TENM2: variants seen among roughly 807,000 people sequenced by gnomAD.
TENM2 encodes teneurin transmembrane protein 2.
In TENM2, 52 loss-of-function variants were observed where a neutral mutation model predicts 245.2. The observed-to-expected ratio is 0.21, with a 90% CI of 0.17 to 0.27. The LOEUF (loss-of-function observed/expected upper bound fraction) is 0.27, where lower values mean the gene tolerates loss of function less well. TENM2 is among the 10% of genes least tolerant of loss of function. The pLI is 1.00. For missense variants in TENM2, 3,046 were observed against 3,666.8 expected (o/e 0.83, Z 4.37); for synonymous variants, 1,363 against 1,438.9 (o/e 0.95, Z 1.19).
At chr5:167,096,551 T>C in the TENM2 span, among the ~76,000 whole-genome samples, 1 of 152,232 alleles carries the variant, frequency 6.6e-6, no homozygotes, top group African/African-American at 2.4e-5. Context: ...ATCTCTCCTC[T>C]ATTCTGCCTG....
At chr5:167,549,684 C>G (rs960817492) in intron 2 of TENM2, among the ~76,000 whole-genome samples, 4 of 152,040 alleles carry the variant, frequency 2.6e-5, no homozygotes. Flanking sequence ...AAGAACTCTA[C>G]CTGTTACCAC....
At chr5:167,850,893 G>A (rs2151207554) in intron 2 of TENM2, among the ~76,000 whole-genome samples, 1 of 152,186 alleles carries the variant, frequency 6.6e-6, no homozygotes, top group Middle Eastern at 3.4e-3. Flanking sequence ...CATAGATAAG[G>A]TTTGGCATTA....
At chr5:167,136,604 C>A in the TENM2 span, among the ~76,000 whole-genome samples, 1 of 152,094 alleles carries the variant, frequency 6.6e-6, no homozygotes, top group African/African-American at 2.4e-5. Flanking sequence ...CCTATTTCTT[C>A]TTTATTTCTA....
At chr5:167,827,106 A>G (rs985432263) in intron 2 of TENM2, among the ~76,000 whole-genome samples, 1 of 152,210 alleles carries the variant, frequency 6.6e-6, no homozygotes, top group Non-Finnish European at 1.5e-5. Flanking sequence ...AGTTTCATGT[A>G]TGTTTCTCTG....
chr5:167,523,592 T>A (rs1770913558), intron 2 of TENM2, among the ~76,000 whole-genome samples: 1 of 152,140 alleles, frequency 6.6e-6, no homozygotes, highest in South Asian at 2.1e-4. Flanking sequence ...AAAAAGAGTC[T>A]ACTCATGACA....
chr5:167,086,655 A>G, the TENM2 span, among the ~76,000 whole-genome samples: 5 of 152,038 alleles, frequency 3.3e-5, no homozygotes, highest in Non-Finnish European at 5.9e-5. Context: ...CTCTAAGCAG[A>G]TTTAGGCATA....
chr5:168,103,764 G>A (rs905623227), intron 9 of TENM2, among the ~76,000 whole-genome samples: 19 of 152,288 alleles, frequency 1.2e-4, no homozygotes, highest in Middle Eastern at 3.4e-3. Flanking sequence ...CAGAGACGTG[G>A]GAAGCCTCGA....
At chr5:167,208,891 C>T in the TENM2 span, among the ~76,000 whole-genome samples, 1 of 152,090 alleles carries the variant, frequency 6.6e-6, no homozygotes, top group Non-Finnish European at 1.5e-5. Context: ...TTGTTCTATT[C>T]GAGTTGTTGG....
intron 2 of TENM2, among the ~76,000 whole-genome samples, chr5:167,840,319 A>G (rs1769386116): frequency 6.6e-6 from 1 of 152,248 alleles, no homozygotes; most frequent in Non-Finnish European, 1.5e-5. Flanking sequence ...TTTGGGATCC[A>G]ACTCTACAGT....
In TENM2 at chr5:167,329,551, C is replaced by CAAAAAAAA. The variant is rs34165505; in HGVS notation, c.226+44510_226+44517dup. On this transcript the variant is annotated intron_variant, in intron 1 of 28. Coordinates refer to ENST00000518659, the Ensembl canonical transcript of TENM2. The stretch of plus-strand genomic sequence containing the variant: ...TGTGTGACAGGGCCAGACTCAGTCT[C>CAAAAAAAA]AAAAAAAAAAAAAAAAAAAAAAAAA... Among the ~76,000 whole-genome samples the CAAAAAAAA allele has an allele frequency of 1.1e-3, 25 of 21,946 alleles. 2 individuals carry two copies. The highest frequency in any genetic ancestry group is 2.5e-3 in the African/African-American group (14 of 5,572). 14.4% of individuals were successfully genotyped at this position (21,946 alleles called of 152,430 possible).
chr5:168,260,176 G>C (rs759394063), intron 27 of TENM2, 107 bp from the exon 30 acceptor site: 6 of 1,193,130 alleles, frequency 5.0e-6, no homozygotes, highest in African/African-American at 1.5e-5. Context: ...CCTCCCCTTT[G>C]GGCCCTACAC....
intron 12 of TENM2, among the ~76,000 whole-genome samples, chr5:168,140,288 A>G (rs894901562): frequency 3.2e-4 from 49 of 152,236 alleles, no homozygotes; most frequent in African/African-American, 1.1e-3. Context: ...ACAATGAGCA[A>G]CAACAGAAAG....
chr5:167,593,883 C>T (rs1040268792), intron 2 of TENM2, among the ~76,000 whole-genome samples: 5 of 152,280 alleles, frequency 3.3e-5, no homozygotes, highest in Non-Finnish European at 7.3e-5. Context: ...ACTTCTCCCT[C>T]GCCTCAGTGA....
At chr5:167,804,064 G>A (rs1765971995) in intron 2 of TENM2, among the ~76,000 whole-genome samples, 1 of 152,006 alleles carries the variant, frequency 6.6e-6, no homozygotes, top group Non-Finnish European at 1.5e-5. Flanking sequence ...TAGAATTGGG[G>A]ATGTTTAATG....
At chr5:167,616,163 C>G (rs928541989) in intron 2 of TENM2, among the ~76,000 whole-genome samples, 2 of 152,138 alleles carry the variant, frequency 1.3e-5, no homozygotes, top group Non-Finnish European at 2.9e-5. Context: ...GTTCCATAAT[C>G]ACACCCTAGT....
chr5:167,202,539 T>G, the TENM2 span, among the ~76,000 whole-genome samples: 4 of 152,334 alleles, frequency 2.6e-5, no homozygotes, highest in South Asian at 4.1e-4. Context: ...GCCATATCTC[T>G]TCTTCATTTG....
chr5:167,915,254 T>A (rs1055954045), intron 3 of TENM2, among the ~76,000 whole-genome samples: 1 of 152,124 alleles, frequency 6.6e-6, no homozygotes, highest in Non-Finnish European at 1.5e-5. Context: ...AAATGACACA[T>A]GCAGCACAGC....
At chr5:167,496,319 C>T (rs1330351993) in intron 2 of TENM2, among the ~76,000 whole-genome samples, 1 of 152,050 alleles carries the variant, frequency 6.6e-6, no homozygotes, top group Non-Finnish European at 1.5e-5. Context: ...TTACTTCTTT[C>T]AACTCTGATG....
At chr5:167,945,395 A>G (rs1389377055) in intron 3 of TENM2, among the ~76,000 whole-genome samples, 2 of 152,188 alleles carry the variant, frequency 1.3e-5, no homozygotes, top group African/African-American at 4.8e-5. Flanking sequence ...ACCTCCCCAC[A>G]CCTCAGTCTC....
Sources: gnomAD v4.1 joint callset for allele counts (sites outside exome capture counted in the v4.1 genomes callset) on GRCh38, gnomAD v4.1.1 for gene constraint, MANE v1.5 for transcripts, NCBI Gene and HGNC (gene_info 2026-07-23, HGNC 2026-07-21) for gene names.